Variants in SPTLC3 observed in about 807,000 individuals in gnomAD.
The protein encoded by SPTLC3 is serine palmitoyltransferase 3.
Under a neutral mutation model 59.3 loss-of-function variants are expected in SPTLC3, and 36 were observed. The ratio of observed to expected loss-of-function variants is 0.61; its 90% CI spans 0.47 to 0.80. The LOEUF (loss-of-function observed/expected upper bound fraction) is 0.80. SPTLC3 is among the 30% of genes least tolerant of loss of function. SPTLC3 has a pLI of 0.00. For synonymous variants in SPTLC3, 257 were observed against 240.8 expected (o/e 1.07, Z -0.62); for missense variants, 625 against 685.1 (o/e 0.91, Z 0.98).
chr20:13,023,402 T>A (rs1244976926), intron 1 of SPTLC3, among the ~76,000 whole-genome samples: 1 of 152,190 alleles, frequency 6.6e-6, no homozygotes, highest in African/African-American at 2.4e-5. Context: ...CAGGAATTTC[T>A]ATCTTTTTCA....
intron 1 of SPTLC3, among the ~76,000 whole-genome samples, chr20:13,015,953 T>C (rs1192642056): frequency 6.6e-6 from 1 of 152,062 alleles, no homozygotes; most frequent in Non-Finnish European, 1.5e-5. Context: ...TATTTATTTC[T>C]GCATGGCAAA....
At chr20:13,053,648 G>A (rs779972049) in intron 2 of SPTLC3, among the ~76,000 whole-genome samples, 7 of 152,158 alleles carry the variant, frequency 4.6e-5, no homozygotes, top group African/African-American at 1.7e-4. Flanking sequence ...CTTGAAAAAG[G>A]TTAGACGAAT....
intron 7 of SPTLC3, among the ~76,000 whole-genome samples, chr20:13,110,957 AG>A (rs562478001): frequency 6.9e-4 from 105 of 152,260 alleles, no homozygotes; most frequent in African/African-American, 2.5e-3. Context: ...ACTTGAGGAT[AG>A]ACATAGGATT....
intron 9 of SPTLC3, among the ~76,000 whole-genome samples, chr20:13,145,767 G>T (rs1344725425): frequency 1.3e-5 from 2 of 152,160 alleles, no homozygotes; most frequent in African/African-American, 4.8e-5. Context: ...AACCAAAACA[G>T]CATGATACTG....
intron 1 of SPTLC3, among the ~76,000 whole-genome samples, chr20:13,028,723 T>C (rs1443283405): frequency 6.6e-6 from 1 of 152,140 alleles, no homozygotes; most frequent in Non-Finnish European, 1.5e-5. Context: ...TCTGCTGGTT[T>C]TGCATTTTGT....
rs147386233 is a variant in SPTLC3 at position 13,037,575 on chromosome 20, G to A, written c.118-11370G>A. Among the ~76,000 whole-genome samples the A allele has an allele frequency of 5.3e-4, 80 of 152,268 alleles. 1 individual carries two copies. The highest frequency in any genetic ancestry group is 1.6e-3 in the African/African-American group (66 of 41,540). On this transcript the variant is annotated intron_variant, in intron 1 of 11. Transcript: ENST00000399002. Reference sequence around the variant, plus strand: ...ACAGTTGGACCACAGGGCTTGTTCAGAGTCTGAGGGAGAAGTGCTCCTATA... The same window carrying A: ...ACAGTTGGACCACAGGGCTTGTTCAAAGTCTGAGGGAGAAGTGCTCCTATA...
intron 4 of SPTLC3, among the ~76,000 whole-genome samples, chr20:13,084,841 T>C (rs1009593186): frequency 2.6e-5 from 4 of 152,164 alleles, no homozygotes; most frequent in Non-Finnish European, 5.9e-5. Flanking sequence ...CATTACACAT[T>C]ATTTATAAAA....
At chr20:13,068,490 C>T (rs1168876910) in intron 2 of SPTLC3, among the ~76,000 whole-genome samples, 2 of 152,152 alleles carry the variant, frequency 1.3e-5, no homozygotes, top group Non-Finnish European at 2.9e-5. Flanking sequence ...CTTTGGAAGG[C>T]GTTGGCTGCT....
intron 8 of SPTLC3, among the ~76,000 whole-genome samples, chr20:13,124,780 A>C (rs947973124): frequency 6.6e-6 from 1 of 152,166 alleles, no homozygotes; most frequent in Non-Finnish European, 1.5e-5. Context: ...ACACATACCT[A>C]AGAGAGATGG....
intron 2 of SPTLC3, among the ~76,000 whole-genome samples, chr20:13,053,648 G>T (rs779972049): frequency 3.9e-4 from 59 of 152,040 alleles, no homozygotes; most frequent in Non-Finnish European, 5.7e-4. Flanking sequence ...CTTGAAAAAG[G>T]TTAGACGAAT....
intron 4 of SPTLC3, among the ~76,000 whole-genome samples, chr20:13,082,388 T>C (rs1409999689): frequency 6.6e-6 from 1 of 152,144 alleles, no homozygotes; most frequent in East Asian, 1.9e-4. Flanking sequence ...CTGAAAACCA[T>C]CAAGATCAGA....
chr20:13,162,941 G>A (rs1034744766), intron 11 of SPTLC3, among the ~76,000 whole-genome samples: 2 of 152,084 alleles, frequency 1.3e-5, no homozygotes, highest in African/African-American at 4.8e-5. Flanking sequence ...CTAACTCTGA[G>A]CACGAGTGTG....
chr20:13,165,086 A>G lies in SPTLC3; in HGVS notation c.*219A>G. 1.2e-5 allele frequency: 6 copies of G among 489,406 alleles called. No individual in the cohort carries two copies. 30.3% of individuals were successfully genotyped at this position (489,406 alleles called of 1,614,324 possible). ...GATTTAAGTCTCTCTTCTTCCAAGTATTCTACTAGAAATACACACACACAC... is the reference window on the plus strand; with the variant it reads ...GATTTAAGTCTCTCTTCTTCCAAGTGTTCTACTAGAAATACACACACACAC... On this transcript the variant is annotated 3_prime_UTR_variant, in exon 12 of 12. Transcript: ENST00000399002.
rs1989303781 is a variant in SPTLC3 at position 13,093,536 on chromosome 20, C to T, written c.785C>T (p.Ala262Val). Residue 262 changes from alanine to valine, a missense_variant, in exon 6 of 12, where the codon GCC becomes GTC. By Grantham distance (64) the Ala-to-Val change is moderately conservative. Transcript: ENST00000399002. Reference sequence around the variant, plus strand: ...AACCACACATCGCTTGTGCTTGGGGCCCGACTCTCAGGTGCAACCATAAGA... The same window carrying T: ...AACCACACATCGCTTGTGCTTGGGGTCCGACTCTCAGGTGCAACCATAAGA... Reference protein sequence around the residue: ...ELNHTSLVLGARLSGATIRIF... With the variant: ...ELNHTSLVLGVRLSGATIRIF... The T allele has an allele frequency of 1.9e-6, 3 of 1,613,382 alleles. No homozygotes were observed. Among genetic ancestry groups the T allele is most frequent in the Non-Finnish European group, 2.5e-6 (3 of 1,179,554 alleles).
At chr20:13,154,208 G>T (rs2038714402) in intron 10 of SPTLC3, 70 bp downstream of exon 10, 1 of 1,583,434 alleles carries the variant, frequency 6.3e-7, no homozygotes, top group South Asian at 1.2e-5. Flanking sequence ...TTTGGCACAG[G>T]CGTTAGATTA....
intron 2 of SPTLC3, among the ~76,000 whole-genome samples, chr20:13,056,508 T>C (rs1256430362): frequency 6.9e-6 from 1 of 145,834 alleles, no homozygotes; most frequent in East Asian, 2.1e-4. Flanking sequence ...GGCAGACTAA[T>C]GCAATCTCGG....
chr20:13,115,480 T>C (rs1283481251), intron 7 of SPTLC3, among the ~76,000 whole-genome samples: 2 of 152,164 alleles, frequency 1.3e-5, no homozygotes, highest in African/African-American at 2.4e-5. Context: ...CCATTAACTT[T>C]GGCTTCTGTC....
chr20:13,035,716 A>T (rs781413885), intron 1 of SPTLC3, among the ~76,000 whole-genome samples: 12 of 152,162 alleles, frequency 7.9e-5, no homozygotes, highest in Non-Finnish European at 1.8e-4. Flanking sequence ...CAAGTGACAC[A>T]CTCTAAAAGA....
intron 2 of SPTLC3, among the ~76,000 whole-genome samples, chr20:13,053,876 A>C (rs188355613): frequency 6.6e-6 from 1 of 152,250 alleles, no homozygotes; most frequent in Non-Finnish European, 1.5e-5. Flanking sequence ...GCCTCCAAGA[A>C]ATATGGGACT....
Sources: allele counts gnomAD v4.1 joint callset (sites outside exome capture counted in the v4.1 genomes callset), GRCh38; gene constraint gnomAD v4.1.1; transcripts MANE v1.5; gene names NCBI Gene and HGNC (gene_info 2026-07-23, HGNC 2026-07-21).